Variants in GRID2 observed in about 807,000 individuals in gnomAD.
GRID2 encodes glutamate receptor ionotropic, delta-2.
A neutral mutation model predicts 114.8 loss-of-function variants in GRID2; 33 were observed. The ratio of observed to expected loss-of-function variants is 0.29; its 90% CI spans 0.22 to 0.38. The LOEUF (loss-of-function observed/expected upper bound fraction) is 0.38. Ranked by LOEUF, GRID2 falls within the 10% of genes least tolerant of loss-of-function variation. The pLI is 1.00. For synonymous variants in GRID2, 505 were observed against 449.9 expected (o/e 1.12, Z -1.55); for missense variants, 1,184 against 1,257.7 (o/e 0.94, Z 0.89).
intron 14 of GRID2, among the ~76,000 whole-genome samples, chr4:93,657,898 G>A (rs1723159901): frequency 6.6e-6 from 1 of 152,166 alleles, no homozygotes. Flanking sequence ...GGGCAATCAA[G>A]ATGTTCATTA....
chr4:93,360,300 C>A (rs2149273727), intron 8 of GRID2, among the ~76,000 whole-genome samples: 1 of 151,994 alleles, frequency 6.6e-6, no homozygotes, highest in African/African-American at 2.4e-5. Flanking sequence ...GTATTCCATT[C>A]TCTATCTTGC....
intron 2 of GRID2, among the ~76,000 whole-genome samples, chr4:92,621,729 T>G (rs1277598425): frequency 6.6e-6 from 1 of 151,746 alleles, no homozygotes; most frequent in African/African-American, 2.4e-5. Flanking sequence ...TTCATTATGG[T>G]AGTAGTGGTT....
chr4:92,866,141 T>A (rs1032161384), intron 2 of GRID2, among the ~76,000 whole-genome samples: 3 of 152,130 alleles, frequency 2.0e-5, no homozygotes, highest in Non-Finnish European at 2.9e-5. Context: ...TTGAGGATAT[T>A]TGGGATAGTG....
intron 8 of GRID2, among the ~76,000 whole-genome samples, chr4:93,377,691 ATAT>A (rs1191761307): frequency 1.3e-5 from 2 of 152,184 alleles, no homozygotes; most frequent in East Asian, 3.8e-4. Context: ...ACTGAATAAA[ATAT>A]TATAATAACA....
intron 8 of GRID2, among the ~76,000 whole-genome samples, chr4:93,374,046 A>G (rs977199602): frequency 2.6e-5 from 4 of 152,178 alleles, no homozygotes; most frequent in Non-Finnish European, 5.9e-5. Flanking sequence ...CGCAGCATGC[A>G]TCTGTTATAT....
intron 2 of GRID2, among the ~76,000 whole-genome samples, chr4:93,071,814 T>C (rs149154029): frequency 4.0e-4 from 61 of 152,300 alleles, no homozygotes; most frequent in African/African-American, 1.1e-3. Flanking sequence ...TTTCTTTATG[T>C]AGTGTGTGTG....
At chr4:92,848,546 C>T (rs1743510276) in intron 2 of GRID2, among the ~76,000 whole-genome samples, 1 of 151,916 alleles carries the variant, frequency 6.6e-6, no homozygotes, top group Non-Finnish European at 1.5e-5. Context: ...TCTTCAACTC[C>T]ATTTTGCAAA....
chr4:93,209,006 A>C (rs1743135773), intron 5 of GRID2, among the ~76,000 whole-genome samples: 1 of 152,084 alleles, frequency 6.6e-6, no homozygotes, highest in Admixed American at 6.6e-5. Context: ...TAAACAATTC[A>C]GCAAATATTA....
At chr4:92,959,310 T>G (rs1752635421) in intron 2 of GRID2, among the ~76,000 whole-genome samples, 1 of 152,024 alleles carries the variant, frequency 6.6e-6, no homozygotes, top group Admixed American at 6.6e-5. Context: ...TCTTTCTTCG[T>G]CTCTATACAA....
chr4:92,713,269 A>G (rs1247346219), intron 2 of GRID2, among the ~76,000 whole-genome samples: 2 of 151,102 alleles, frequency 1.3e-5, no homozygotes, highest in African/African-American at 4.9e-5. Flanking sequence ...ACTTTTTAAC[A>G]CATAAAATGA....
At chr4:93,288,623 T>G (rs1482355704) in intron 8 of GRID2, among the ~76,000 whole-genome samples, 1 of 152,238 alleles carries the variant, frequency 6.6e-6, no homozygotes, top group Non-Finnish European at 1.5e-5. Flanking sequence ...TACTTTTTAT[T>G]GCATACATTG....
chr4:92,597,803 T>C (rs907834831), intron 2 of GRID2, among the ~76,000 whole-genome samples: 3 of 152,200 alleles, frequency 2.0e-5, no homozygotes, highest in African/African-American at 7.2e-5. Context: ...ATCTGGTTGA[T>C]TTGATTAAAA....
chr4:92,979,342 TATTATA>T (rs1430985311), intron 2 of GRID2, among the ~76,000 whole-genome samples: 4 of 152,064 alleles, frequency 2.6e-5, no homozygotes, highest in Non-Finnish European at 5.9e-5. Flanking sequence ...CTTTATAATT[TATTATA>T]ATTATAATAA....
chr4:92,639,747 T>C (rs1346825351), intron 2 of GRID2, among the ~76,000 whole-genome samples: 2 of 151,748 alleles, frequency 1.3e-5, no homozygotes, highest in South Asian at 2.1e-4. Flanking sequence ...CTATGTAATG[T>C]AACAAAATTA....
chr4:93,675,521 G>C (rs1724775486), intron 14 of GRID2, among the ~76,000 whole-genome samples: 2 of 152,150 alleles, frequency 1.3e-5, no homozygotes, highest in African/African-American at 4.8e-5. Flanking sequence ...GTAGGATTTT[G>C]TATAATTTTC....
intron 4 of GRID2, among the ~76,000 whole-genome samples, chr4:93,114,008 A>C (rs7661153): frequency 0.52 from 78,383 of 151,934 alleles, 21,084 homozygotes; most frequent in Admixed American, 0.63. Flanking sequence ...TTATGGTTTA[A>C]AATTTTTAAA....
chr4:93,582,541 G>A (rs368326449), intron 13 of GRID2, among the ~76,000 whole-genome samples: 40 of 152,124 alleles, frequency 2.6e-4, no homozygotes, highest in African/African-American at 9.2e-4. Context: ...CTCACTAGAC[G>A]TTGCTTTAGT....
chr4:92,976,728 T>G (rs1212505200), intron 2 of GRID2, among the ~76,000 whole-genome samples: 3 of 152,152 alleles, frequency 2.0e-5, no homozygotes, highest in African/African-American at 7.2e-5. Flanking sequence ...GAAAATTGAC[T>G]TGATGTCTAT....
chr4:92,608,840 A>C (rs2149226338), intron 2 of GRID2, among the ~76,000 whole-genome samples: 1 of 151,892 alleles, frequency 6.6e-6, no homozygotes. Context: ...CAAGCTCTTC[A>C]ATTTGTAAAA....
Sources: allele counts gnomAD v4.1 joint callset (sites outside exome capture counted in the v4.1 genomes callset), GRCh38; gene constraint gnomAD v4.1.1; transcripts MANE v1.5; gene names NCBI Gene and HGNC (gene_info 2026-07-23, HGNC 2026-07-21).